Variants in UGGT2 observed in about 807,000 individuals in gnomAD.
UGGT2 encodes the protein UDP-glucose glycoprotein glucosyltransferase 2.
A neutral mutation model predicts 192.1 loss-of-function variants in UGGT2; 180 were observed. The ratio of observed to expected loss-of-function variants is 0.94; its 90% CI spans 0.83 to 1.06. The LOEUF (loss-of-function observed/expected upper bound fraction) is 1.06, where lower values mean the gene tolerates loss of function less well. Among genes scored for constraint, UGGT2 ranks in the 50% least tolerant of loss-of-function variants. UGGT2 has a pLI of 0.00. For missense variants in UGGT2, 1,849 were observed against 1,795.7 expected, an observed-to-expected ratio of 1.03 and a Z score of -0.54; for synonymous variants, 580 against 591.0, an observed-to-expected ratio of 0.98 and a Z score of 0.27.
chr13:95,967,892 G>A (rs533172681), intron 12 of UGGT2, among the ~76,000 whole-genome samples: 24 of 152,222 alleles, frequency 1.6e-4, no homozygotes, highest in African/African-American at 5.8e-4. Flanking sequence ...ACATTTTTAT[G>A]TTATTGTAAA....
intron 22 of UGGT2, among the ~76,000 whole-genome samples, chr13:95,896,426 T>C (rs904518309): frequency 6.6e-6 from 1 of 152,094 alleles, no homozygotes; most frequent in Non-Finnish European, 1.5e-5. Context: ...AAACATTTCA[T>C]TGTCTTAAGA....
chr13:95,887,667 A>G (rs1480156646), intron 26 of UGGT2, among the ~76,000 whole-genome samples: 1 of 152,224 alleles, frequency 6.6e-6, no homozygotes, highest in African/African-American at 2.4e-5. Context: ...ATATAAATCC[A>G]TGTAAATTCT....
rs1204348227 is a variant in UGGT2 at position 96,031,880 on chromosome 13, A to G, written c.241+9T>C. 13 of 1,590,788 alleles carry G rather than the reference A, an allele frequency of 8.2e-6. No homozygotes were observed. The highest frequency in any genetic ancestry group is 1.0e-5 in the Non-Finnish European group (12 of 1,167,070). ...AAATCTTACAAGTTAAAATTTACAT[A>G]TCACCTACCTGTTTGCTTATAAATT... On this transcript the variant is annotated intron_variant, in intron 2 of 38. Transcript: ENST00000376747.
intron 36 of UGGT2, among the ~76,000 whole-genome samples, chr13:95,843,321 G>A (rs569130620): frequency 7.2e-5 from 11 of 152,068 alleles, no homozygotes; most frequent in Non-Finnish European, 1.5e-4. Context: ...ATTCTAATTG[G>A]TGTGTATTCA....
In UGGT2 at chr13:95,890,768, C is replaced by G; in HGVS notation, c.2958+94G>C. The stretch of plus-strand genomic sequence containing the variant: ...ACACTCTATTAAAATGGTGAAGGAT[C>G]AAGAGCATAAACAGCTGATTATATT... On this transcript the variant is annotated intron_variant, in intron 25 of 38. Coordinates refer to ENST00000376747, the MANE Select transcript of UGGT2 (RefSeq NM_020121.4). The G allele has an allele frequency of 4.4e-6, 4 of 902,696 alleles. No homozygotes were observed. In the South Asian group the frequency reaches 6.0e-5, roughly 14 times the overall value. The allele number at this position is 902,696 out of a possible 1,614,324, so 55.9% of individuals were successfully genotyped here.
Position 96,031,940 on chromosome 13 carries a change from AT to A in UGGT2, c.189del (p.Lys63AsnfsTer12). ...SEFMAEESNE[K>X]FWQFLETVQE... is the part of the protein sequence containing the mutation. ...TGCACAGTTTCCAAAAACTGCCAAAATTTTTCATTACTTTCTTCTGCCATAA... is the reference window on the plus strand; with the variant it reads ...TGCACAGTTTCCAAAAACTGCCAAAATTTTCATTACTTTCTTCTGCCATAA... On this transcript the variant is annotated frameshift_variant, in exon 2 of 39. Coordinates refer to ENST00000376747, the MANE Select transcript of UGGT2 (RefSeq NM_020121.4). LOFTEE classifies it high-confidence loss of function. 6.2e-7 allele frequency: 1 copy of A among 1,611,338 alleles called. No individual in the cohort carries two copies. The highest frequency in any genetic ancestry group is 8.5e-7 in the Non-Finnish European group (1 of 1,178,848).
chr13:95,885,016 G>C (rs1304802818), intron 26 of UGGT2, among the ~76,000 whole-genome samples: 2 of 152,118 alleles, frequency 1.3e-5, no homozygotes, highest in African/African-American at 4.8e-5. Context: ...CTTCAAATCT[G>C]ACCATGGTCT....
At chr13:95,902,778 A>G (rs2048145746) in intron 21 of UGGT2, 76 bp downstream of exon 21, 1 of 1,380,058 alleles carries the variant, frequency 7.2e-7, no homozygotes, top group Non-Finnish European at 9.9e-7. Flanking sequence ...GTTTTTCAGT[A>G]ACAATATCTC....
At chr13:95,930,748 C>G (rs368766049) in intron 17 of UGGT2, among the ~76,000 whole-genome samples, 86 of 152,056 alleles carry the variant, frequency 5.7e-4, no homozygotes, top group African/African-American at 2.0e-3. Context: ...AGCTGTGGAC[C>G]CTCGCGGTGA....
chr13:95,940,354 AAAT>A (rs779048194), intron 15 of UGGT2, among the ~76,000 whole-genome samples: 17 of 152,014 alleles, frequency 1.1e-4, no homozygotes, highest in African/African-American at 1.2e-4. Context: ...ATTCTTAATA[AAAT>A]AATGATTACC....
At chr13:95,892,410 C>T (rs772094049) in intron 24 of UGGT2, among the ~76,000 whole-genome samples, 1 of 152,038 alleles carries the variant, frequency 6.6e-6, no homozygotes, top group Non-Finnish European at 1.5e-5. Context: ...CAGATTTGTA[C>T]TCAATTGCCA....
chr13:95,895,172 A>G lies in UGGT2; in HGVS notation c.2759+8T>C. The G allele has an allele frequency of 6.4e-7, 1 of 1,573,372 alleles. No individual in the cohort carries two copies. The highest frequency in any genetic ancestry group is 8.6e-7 in the Non-Finnish European group (1 of 1,169,418). On this transcript the variant is annotated splice_region_variant and intron_variant, in intron 23 of 38. Coordinates refer to ENST00000376747, the MANE Select transcript of UGGT2 (RefSeq NM_020121.4). ...AAAATGAATTGCTCTTAGAACTTATATACTCACTTATTTGCGTTGATTCCC... is the reference window on the plus strand; with the variant it reads ...AAAATGAATTGCTCTTAGAACTTATGTACTCACTTATTTGCGTTGATTCCC...
intron 17 of UGGT2, among the ~76,000 whole-genome samples, 162 bp downstream of exon 17, chr13:95,936,762 G>T (rs1014313858): frequency 2.6e-5 from 4 of 152,238 alleles, no homozygotes; most frequent in Admixed American, 2.6e-4. Context: ...CACAGGCAGG[G>T]TGGCGTGGCT....
At chr13:95,884,949 T>TA (rs1363182955) in intron 26 of UGGT2, among the ~76,000 whole-genome samples, 3 of 152,198 alleles carry the variant, frequency 2.0e-5, no homozygotes, top group African/African-American at 7.2e-5. Flanking sequence ...ATACCTGACT[T>TA]ATGCAGGTTC....
chr13:95,991,993 T>C (rs2051472815), intron 7 of UGGT2, among the ~76,000 whole-genome samples: 3 of 152,020 alleles, frequency 2.0e-5, no homozygotes, highest in Non-Finnish European at 4.4e-5. Flanking sequence ...TGAAACCCCA[T>C]CTCTACTAAA....
At chr13:95,940,178 T>C (rs1283249258) in intron 15 of UGGT2, 87 bp from the exon 16 acceptor site, 4 of 1,076,160 alleles carry the variant, frequency 3.7e-6, no homozygotes, top group Non-Finnish European at 5.1e-6. Flanking sequence ...AGATTTTTAT[T>C]TTGTAAGTTC....
At chr13:95,854,523 A>T in intron 34 of UGGT2, 48 bp from the exon 35 acceptor site, 1 of 1,472,748 alleles carries the variant, frequency 6.8e-7, no homozygotes, top group Admixed American at 2.5e-5. Context: ...AAATAACATA[A>T]GCCCTTTTTT....
At chr13:96,047,719 A>G (rs1005546234) in intron 1 of UGGT2, among the ~76,000 whole-genome samples, 1 of 152,176 alleles carries the variant, frequency 6.6e-6, no homozygotes, top group Non-Finnish European at 1.5e-5. Flanking sequence ...TAAACCAACA[A>G]AGATCAGAAG....
intron 22 of UGGT2, among the ~76,000 whole-genome samples, chr13:95,898,248 T>C (rs762884656): frequency 6.6e-6 from 1 of 152,148 alleles, no homozygotes; most frequent in Non-Finnish European, 1.5e-5. Flanking sequence ...AGCTAGATGA[T>C]GCCAATCTCC....
Sources: allele counts gnomAD v4.1 joint callset (sites outside exome capture counted in the v4.1 genomes callset), GRCh38; gene constraint gnomAD v4.1.1; transcripts MANE v1.5; gene names NCBI Gene and HGNC (gene_info 2026-07-23, HGNC 2026-07-21).